The following TYW1 variants were observed in gnomAD, a reference collection of about 807,000 sequenced individuals.
The protein encoded by TYW1 is S-adenosyl-L-methionine-dependent tRNA 4-demethylwyosine synthase TYW1.
TYW1 carries 46 observed loss-of-function variants against 96.2 expected under a neutral mutation model. The ratio of observed to expected loss-of-function variants is 0.48; its 90% confidence interval spans 0.38 to 0.61. TYW1 has a LOEUF of 0.61. TYW1 is among the 20% of genes least tolerant of loss of function. The probability of loss-of-function intolerance (pLI) is 0.00; values close to 1 mark genes in which losing one functional copy is unlikely to be tolerated. For missense variants in TYW1, 684 were observed against 909.6 expected (o/e 0.75, Z 3.19); for synonymous variants, 274 against 323.0 (o/e 0.85, Z 1.63).
chr7:67,053,002 A>G lies in TYW1; in HGVS notation c.1103-2833A>G, dbSNP rs188545817. 1.8e-3 allele frequency among the ~76,000 whole-genome samples: 280 copies of G among 151,698 alleles called. 3 individuals are homozygous for G. The highest frequency in any genetic ancestry group is 6.4e-3 in the African/African-American group (265 of 41,332). On this transcript the variant is annotated intron_variant, in intron 8 of 15. Transcript: ENST00000359626. ...CTGATCTGCCCACCTTGGCCTCCCA[A>G]ACTGTTGGGATTACAGGCTTGAGCC...
At chr7:67,069,855 G>A (rs1308651330) in intron 10 of TYW1, among the ~76,000 whole-genome samples, 2 of 152,176 alleles carry the variant, frequency 1.3e-5, no homozygotes, top group Admixed American at 1.3e-4. Context: ...TGTATGATAT[G>A]GGTCTGTTTA....
chr7:67,060,651 T>C (rs1795668088), intron 9 of TYW1, among the ~76,000 whole-genome samples: 1 of 152,218 alleles, frequency 6.6e-6, no homozygotes, highest in East Asian at 1.9e-4. Flanking sequence ...CAAAAGTATT[T>C]CTTAAGTTAG....
chr7:67,029,415 G>GTATA (rs55802244), intron 7 of TYW1, among the ~76,000 whole-genome samples: 88 of 94,346 alleles, frequency 9.3e-4, no homozygotes, highest in African/African-American at 2.9e-3. Context: ...GTGTGTGTGT[G>GTATA]TATATATATA....
chr7:67,005,416 C>T (rs902309107), intron 3 of TYW1, among the ~76,000 whole-genome samples: 3 of 152,120 alleles, frequency 2.0e-5, no homozygotes, highest in African/African-American at 7.2e-5. Context: ...TGCAACATGG[C>T]AAAACTCTAT....
intron 13 of TYW1, among the ~76,000 whole-genome samples, chr7:67,176,806 C>T (rs1056780540): frequency 5.9e-5 from 9 of 152,172 alleles, no homozygotes; most frequent in African/African-American, 1.4e-4. Context: ...TTGGCACCAT[C>T]GACATTTTAG....
chr7:67,199,471 G>A (rs9886306), intron 15 of TYW1, among the ~76,000 whole-genome samples: 38,604 of 152,040 alleles, frequency 0.25, 5,104 homozygotes, highest in African/African-American at 0.31. Context: ...GCAGTATCTC[G>A]CTTCTTACCA....
At chr7:67,035,586 A>G (rs1427006231) in intron 7 of TYW1, among the ~76,000 whole-genome samples, 1 of 152,180 alleles carries the variant, frequency 6.6e-6, no homozygotes, top group Non-Finnish European at 1.5e-5. Context: ...GAAAGCTTTT[A>G]TACTCAAGGG....
chr7:67,070,371 A>G (rs1157582251), intron 10 of TYW1, among the ~76,000 whole-genome samples: 1 of 151,904 alleles, frequency 6.6e-6, no homozygotes, highest in African/African-American at 2.4e-5. Context: ...ATATGTTGGT[A>G]TGCTTGATGG....
At chr7:67,112,125 A>T (rs1415868378) in intron 12 of TYW1, among the ~76,000 whole-genome samples, 1 of 148,518 alleles carries the variant, frequency 6.7e-6, no homozygotes, top group Admixed American at 6.7e-5. Context: ...AAAAAAAAAG[A>T]AAGTGCAAAA....
At chr7:67,014,607 A>ACG in intron 5 of TYW1, 46 bp downstream of exon 5, 1 of 1,560,916 alleles carries the variant, frequency 6.4e-7, no homozygotes, top group South Asian at 1.2e-5. Context: ...CCATAAACAC[A>ACG]CACACACGCA....
intron 14 of TYW1, among the ~76,000 whole-genome samples, chr7:67,186,670 A>G (rs969335689): frequency 4.6e-5 from 7 of 152,002 alleles, no homozygotes; most frequent in Admixed American, 3.9e-4. Flanking sequence ...ACATTTTTGT[A>G]TTTATAGAAA....
chr7:67,112,617 TAA>T (rs59148915), intron 12 of TYW1, among the ~76,000 whole-genome samples: 16 of 142,240 alleles, frequency 1.1e-4, no homozygotes, highest in Admixed American at 3.5e-4. Context: ...CTCTTGTCTT[TAA>T]AAAAAAAAAA....
At chr7:67,087,559 G>T (rs13309536) in intron 11 of TYW1, among the ~76,000 whole-genome samples, 6 of 151,900 alleles carry the variant, frequency 3.9e-5, no homozygotes, top group Non-Finnish European at 8.8e-5. Context: ...TATTTATACA[G>T]TATCTATTTT....
At chr7:67,080,691 A>G (rs1024730919) in intron 10 of TYW1, among the ~76,000 whole-genome samples, 1 of 151,796 alleles carries the variant, frequency 6.6e-6, no homozygotes, top group African/African-American at 2.4e-5. Flanking sequence ...GAGCCACCAC[A>G]CCCAGCTGCT....
intron 10 of TYW1, among the ~76,000 whole-genome samples, chr7:67,078,441 A>G (rs1796272156): frequency 6.6e-6 from 1 of 152,132 alleles, no homozygotes; most frequent in Non-Finnish European, 1.5e-5. Context: ...AGCTGTGTTC[A>G]TTCTGCATAG....
chr7:67,217,720 G>T (rs1801244946), intron 15 of TYW1, among the ~76,000 whole-genome samples: 1 of 151,838 alleles, frequency 6.6e-6, no homozygotes, highest in Admixed American at 6.6e-5. Context: ...GATTGTTTTG[G>T]CTATTAAGGG....
chr7:67,154,041 C>T (rs1441285028), intron 13 of TYW1, among the ~76,000 whole-genome samples: 1 of 151,842 alleles, frequency 6.6e-6, no homozygotes, highest in African/African-American at 2.4e-5. Flanking sequence ...CATTCTCAGC[C>T]TCCCAAGTAG....
At chr7:67,037,162 C>T (rs1794864324) in intron 7 of TYW1, among the ~76,000 whole-genome samples, 1 of 152,108 alleles carries the variant, frequency 6.6e-6, no homozygotes, top group Non-Finnish European at 1.5e-5. Context: ...CCATGAGACA[C>T]CTAATTAGCA....
intron 13 of TYW1, among the ~76,000 whole-genome samples, chr7:67,128,182 T>A (rs376814053): frequency 1.3e-5 from 2 of 152,212 alleles, no homozygotes; most frequent in Admixed American, 6.5e-5. Context: ...ACACATACAT[T>A]ACACCCTTTA....
Sources: gnomAD v4.1 joint callset for allele counts (sites outside exome capture counted in the v4.1 genomes callset) on GRCh38, gnomAD v4.1.1 for gene constraint, MANE v1.5 for transcripts, NCBI Gene and HGNC (gene_info 2026-07-23, HGNC 2026-07-21) for gene names.